WNT3A: variants seen among roughly 807,000 people sequenced by gnomAD.
WNT3A encodes protein Wnt-3a.
WNT3A carries 17 observed loss-of-function variants against 37.0 expected under a neutral mutation model. That is an observed-to-expected ratio of 0.46 (90% confidence interval 0.31 to 0.69). The LOEUF (loss-of-function observed/expected upper bound fraction) is 0.69. Ranked by LOEUF, WNT3A falls within the 30% of genes least tolerant of loss-of-function variation. The pLI, the probability that WNT3A is intolerant of heterozygous loss-of-function variation, is 0.05. For synonymous variants in WNT3A, 187 were observed against 211.0 expected (o/e 0.89, Z 0.99); for missense variants, 411 against 510.2 (o/e 0.81, Z 1.87).
chr1:228,041,405 G>C (rs1043110809), intron 2 of WNT3A, among the ~76,000 whole-genome samples: 8 of 150,814 alleles, frequency 5.3e-5, no homozygotes, highest in African/African-American at 2.0e-4. Flanking sequence ...CATCCATCAT[G>C]CACGATCCAC....
Position 228,039,304 on chromosome 1 carries a change from C to A in WNT3A, c.314-11352C>A, listed in dbSNP as rs2102773207. Among the ~76,000 whole-genome samples the A allele has an allele frequency of 6.6e-6, 1 of 152,252 alleles. No individual in the cohort carries two copies. The highest frequency in any genetic ancestry group is 2.1e-4 in the South Asian group (1 of 4,830). ...GGGGCCACAGAGGCAGAACCATAGCCCCCTTCCCAGACTAAGCAGCCCAGC... is the reference window on the plus strand; with the variant it reads ...GGGGCCACAGAGGCAGAACCATAGCACCCTTCCCAGACTAAGCAGCCCAGC... On this transcript the variant is annotated intron_variant, in intron 2 of 3. Coordinates refer to ENST00000284523, the MANE Select transcript of WNT3A (RefSeq NM_033131.4). The surrounding 1 kb of genome is among the most constrained non-coding windows in gnomAD (Gnocchi z 4.1).
chr1:228,050,625 T>C lies in WNT3A; in HGVS notation c.314-31T>C. ...CAAGGCGGTCCTTTGAGCTGAGCCC[T>C]GTTAACCCTGCATCTCTCCTCTCTC... is the stretch of plus-strand genomic sequence containing the variant. On this transcript the variant is annotated intron_variant, in intron 2 of 3. Transcript: ENST00000284523. This position sits in a 1 kb window ranked among gnomAD's most constrained non-coding sequence, Gnocchi z 5.0. The C allele has an allele frequency of 6.4e-7, 1 of 1,562,866 alleles. No homozygotes were observed. The highest frequency in any genetic ancestry group is 1.2e-5 in the South Asian group (1 of 83,782).
intron 1 of WNT3A, among the ~76,000 whole-genome samples, chr1:228,012,837 G>A (rs189887722): frequency 8.6e-4 from 131 of 152,220 alleles, no homozygotes; most frequent in African/African-American, 2.7e-3. Context: ...GTGCTGAGCT[G>A]CAGCTACCGA....
intron 2 of WNT3A, among the ~76,000 whole-genome samples, chr1:228,028,904 C>T (rs1487026019): frequency 4.6e-5 from 7 of 152,070 alleles, no homozygotes; most frequent in African/African-American, 1.7e-4. Context: ...CAAAGACCAC[C>T]CTTCAATTAG....
At chr1:228,021,487 C>A (rs1282176721) in intron 1 of WNT3A, among the ~76,000 whole-genome samples, 2 of 152,124 alleles carry the variant, frequency 1.3e-5, no homozygotes. Context: ...CACAGTTGAG[C>A]CCCTCCTCCC....
rs1276013907 is a variant in WNT3A, at chr1:228,007,611, G to C, written c.71+412G>C. On this transcript the variant is annotated intron_variant, in intron 1 of 3. Transcript: ENST00000284523. The surrounding 1 kb of genome is among the most constrained non-coding windows in gnomAD (Gnocchi z 6.0). ...TCGCCGGAGACTTTCCTCAAAAACC[G>C]TATCTTACACACAAACACACACACA... Among the ~76,000 whole-genome samples, 11 of 152,144 alleles carry C rather than the reference G, an allele frequency of 7.2e-5. No homozygotes were observed. The highest frequency in any genetic ancestry group is 1.5e-4 in the Non-Finnish European group (10 of 68,018).
chr1:228,039,970 G>A lies in WNT3A; in HGVS notation c.314-10686G>A, dbSNP rs2031238263. Among the ~76,000 whole-genome samples, 1 of 152,176 alleles carries A rather than the reference G, an allele frequency of 6.6e-6. No homozygotes were observed. Reference sequence around the variant, plus strand: ...GAGTCCCCTCTGGACCAACAGGCATGTCCCAGGAGCCCAGGAGTCCCAGGC... The same window carrying A: ...GAGTCCCCTCTGGACCAACAGGCATATCCCAGGAGCCCAGGAGTCCCAGGC... On this transcript the variant is annotated intron_variant, in intron 2 of 3. Coordinates refer to ENST00000284523, the MANE Select transcript of WNT3A (RefSeq NM_033131.4). This position sits in a 1 kb window ranked among gnomAD's most constrained non-coding sequence, Gnocchi z 4.1.
Position 228,060,090 on chromosome 1 carries a change from T to C in WNT3A, c.*625T>C. ...GGTGGGCGTGGCCTGCATAGGCTCC[T>C]TCCTGTGGGTGGGGCTTCTCTGGGA... is the stretch of plus-strand genomic sequence containing the variant. On this transcript the variant is annotated 3_prime_UTR_variant, in exon 4 of 4. Transcript: ENST00000284523. 2.4e-6 allele frequency: 3 copies of C among 1,250,938 alleles called. No homozygotes were observed. The highest frequency in any genetic ancestry group is 3.1e-6 in the Non-Finnish European group (3 of 970,420). 77.5% of individuals were successfully genotyped at this position (1,250,938 alleles called of 1,614,324 possible).
rs538555967 is a variant in WNT3A, at chr1:228,035,148, C to A, written c.313+12240C>A. Among the ~76,000 whole-genome samples, 4 of 152,238 alleles carry A rather than the reference C, an allele frequency of 2.6e-5. No individual in the cohort carries two copies. The South Asian group carries it at 8.3e-4, about 32-fold the overall frequency. ...CAGGAGGGCTTCCCAGGGGAGGTGG[C>A]CCCTGGGCTGAATCTTGAAGGATTT... is the stretch of plus-strand genomic sequence containing the variant. On this transcript the variant is annotated intron_variant, in intron 2 of 3. Coordinates refer to ENST00000284523, the MANE Select transcript of WNT3A (RefSeq NM_033131.4).
chr1:228,046,796 T>G (rs2031425198), intron 2 of WNT3A, among the ~76,000 whole-genome samples: 1 of 150,992 alleles, frequency 6.6e-6, no homozygotes, highest in African/African-American at 2.4e-5. Context: ...GCGTGTGATG[T>G]GTGCATGTGT....
chr1:228,027,425 C>T (rs915276551), intron 2 of WNT3A, among the ~76,000 whole-genome samples: 16 of 152,208 alleles, frequency 1.1e-4, no homozygotes, highest in Admixed American at 2.0e-4. Flanking sequence ...TCCCCACATC[C>T]ATACCAACAT....
rs1305551427 is a variant in WNT3A at position 228,031,039 on chromosome 1, G to A, written c.313+8131G>A. Among the ~76,000 whole-genome samples, 4 of 152,256 alleles carry A rather than the reference G, an allele frequency of 2.6e-5. No individual in the cohort carries two copies. Among genetic ancestry groups the A allele is most frequent in the African/African-American group, 9.6e-5 (4 of 41,470 alleles). ...CCTCCAGGGCTGGTGGGGCCTGGCT[G>A]AGGCCATCCATGGGCAGGAGCCCTC... On this transcript the variant is annotated intron_variant, in intron 2 of 3. Coordinates refer to ENST00000284523, the MANE Select transcript of WNT3A (RefSeq NM_033131.4). This position sits in a 1 kb window ranked among gnomAD's most constrained non-coding sequence, Gnocchi z 4.8.
At chr1:228,026,097 G>T (rs1466536653) in intron 2 of WNT3A, among the ~76,000 whole-genome samples, 1 of 151,112 alleles carries the variant, frequency 6.6e-6, no homozygotes, top group African/African-American at 2.4e-5. Context: ...ATTTTCCATT[G>T]TTAATATATA....
At chr1:228,011,636 T>C (rs1036225476) in intron 1 of WNT3A, among the ~76,000 whole-genome samples, 6 of 152,240 alleles carry the variant, frequency 3.9e-5, no homozygotes, top group African/African-American at 7.2e-5. Flanking sequence ...TTTCTGTCAC[T>C]CTATCTCTTT....
intron 2 of WNT3A, among the ~76,000 whole-genome samples, chr1:228,044,240 A>G (rs1351479680): frequency 1.3e-5 from 2 of 152,238 alleles, no homozygotes; most frequent in Non-Finnish European, 2.9e-5. Context: ...TTTCATAAAC[A>G]TCGCAGGAGT....
At chr1:228,048,618 G>A (rs192021969) in intron 2 of WNT3A, among the ~76,000 whole-genome samples, 1 of 152,286 alleles carries the variant, frequency 6.6e-6, no homozygotes, top group East Asian at 1.9e-4. Flanking sequence ...AGGCTGGAGT[G>A]CAGTGGTGTA....
chr1:228,034,068 C>A (rs1370893342), intron 2 of WNT3A, among the ~76,000 whole-genome samples: 4 of 152,026 alleles, frequency 2.6e-5, no homozygotes, highest in Non-Finnish European at 5.9e-5. Context: ...TCAAGAACAC[C>A]CTGGCCAACA....
intron 2 of WNT3A, among the ~76,000 whole-genome samples, chr1:228,024,488 C>T (rs1571798580): frequency 6.6e-6 from 1 of 152,290 alleles, no homozygotes; most frequent in African/African-American, 2.4e-5. Context: ...TAGTCAAGTC[C>T]TTTGCCCATT....
Position 228,007,108 on chromosome 1 carries a change from T to C in WNT3A, c.-21T>C. The C allele has an allele frequency of 1.3e-6, 2 of 1,540,982 alleles. No homozygotes were observed. The highest frequency in any genetic ancestry group is 1.4e-5 in the African/African-American group (1 of 69,536). ...CGCTCTCGGGGCGGACTCCCGGCCC[T>C]CCGCGCCCTCTCGCGCGGCGATGGC... On this transcript the variant is annotated 5_prime_UTR_variant, in exon 1 of 4. Coordinates refer to ENST00000284523, the MANE Select transcript of WNT3A (RefSeq NM_033131.4). This position sits in a 1 kb window ranked among gnomAD's most constrained non-coding sequence, Gnocchi z 6.0.
Sources: gnomAD v4.1 joint callset for allele counts (sites outside exome capture counted in the v4.1 genomes callset) on GRCh38, gnomAD v4.1.1 for gene constraint, Gnocchi (gnomAD v3.1) non-coding constraint, MANE v1.5 for transcripts, NCBI Gene and HGNC (gene_info 2026-07-23, HGNC 2026-07-21) for gene names.